CA10: variants seen among roughly 807,000 people sequenced by gnomAD.
CA10 encodes the protein carbonic anhydrase 10 (inactive).
In CA10, 14 loss-of-function variants were observed where a neutral mutation model predicts 44.2. The observed-to-expected ratio is 0.32, with a 90% CI of 0.21 to 0.50. The LOEUF is 0.50. Among genes scored for constraint, CA10 ranks in the 20% least tolerant of loss-of-function variants. CA10 has a pLI of 0.99. For synonymous variants in CA10, 159 were observed against 141.6 expected, an observed-to-expected ratio of 1.12 and a Z score of -0.87; for missense variants, 350 against 409.7, an observed-to-expected ratio of 0.85 and a Z score of 1.26.
At chr17:52,082,561 T>A (rs1988011592) in intron 1 of CA10, among the ~76,000 whole-genome samples, 1 of 152,206 alleles carries the variant, frequency 6.6e-6, no homozygotes, top group Non-Finnish European at 1.5e-5. Context: ...CTTCCCTCAC[T>A]CATCCTCTTT....
intron 6 of CA10, among the ~76,000 whole-genome samples, chr17:51,643,383 G>A (rs1386271555): frequency 1.3e-5 from 2 of 152,072 alleles, no homozygotes; most frequent in Admixed American, 1.3e-4. Flanking sequence ...AAATCCATTC[G>A]GAAAATCTAT....
intron 3 of CA10, among the ~76,000 whole-genome samples, chr17:51,782,712 T>C (rs1168094742): frequency 6.6e-6 from 1 of 152,188 alleles, no homozygotes; most frequent in Non-Finnish European, 1.5e-5. Flanking sequence ...CAATTCTCAA[T>C]GCCTGTCCTC....
intron 4 of CA10, among the ~76,000 whole-genome samples, chr17:51,724,818 T>A (rs1034148079): frequency 1.3e-5 from 2 of 152,182 alleles, no homozygotes; most frequent in African/African-American, 4.8e-5. Context: ...AATTCCCCTC[T>A]TAAATATCTT....
chr17:51,668,316 CAG>C (rs375833805), intron 4 of CA10, among the ~76,000 whole-genome samples: 11 of 151,170 alleles, frequency 7.3e-5, no homozygotes, highest in South Asian at 2.1e-4. Context: ...TTTCTCAGTC[CAG>C]AGAGAGAGAG....
At chr17:52,140,795 G>A (rs569858887) in intron 1 of CA10, among the ~76,000 whole-genome samples, 9 of 152,238 alleles carry the variant, frequency 5.9e-5, no homozygotes, top group African/African-American at 1.4e-4. Context: ...AGCCTAAGCC[G>A]CTGCTTCTTG....
chr17:51,673,616 G>C (rs908719868), intron 4 of CA10, among the ~76,000 whole-genome samples: 4 of 152,182 alleles, frequency 2.6e-5, no homozygotes, highest in Non-Finnish European at 5.9e-5. Context: ...CAGTGCTACT[G>C]CTTCAGATCA....
At chr17:51,926,237 C>T (rs1598121411) in intron 3 of CA10, among the ~76,000 whole-genome samples, 1 of 152,166 alleles carries the variant, frequency 6.6e-6, no homozygotes, top group South Asian at 2.1e-4. Context: ...GTGTCAGGAG[C>T]TGGCTTCCAA....
At chr17:52,149,652 T>C (rs1989662219) in intron 1 of CA10, among the ~76,000 whole-genome samples, 1 of 152,204 alleles carries the variant, frequency 6.6e-6, no homozygotes, top group African/African-American at 2.4e-5. Flanking sequence ...ATAATAGATA[T>C]ACCGTAAAAT....
chr17:51,934,205 C>A (rs1209491649), intron 2 of CA10, among the ~76,000 whole-genome samples: 1 of 152,110 alleles, frequency 6.6e-6, no homozygotes, highest in African/African-American at 2.4e-5. Flanking sequence ...TAGAAGCCAC[C>A]TTAGAGATCG....
intron 2 of CA10, among the ~76,000 whole-genome samples, chr17:52,007,782 A>G (rs1985652001): frequency 6.6e-6 from 1 of 151,380 alleles, no homozygotes; most frequent in East Asian, 2.0e-4. Context: ...TTATTTTTCT[A>G]TTCTCTGAAA....
At chr17:51,912,783 C>G (rs1033599161) in intron 3 of CA10, among the ~76,000 whole-genome samples, 3 of 152,198 alleles carry the variant, frequency 2.0e-5, no homozygotes, top group Non-Finnish European at 4.4e-5. Flanking sequence ...CTATCATATT[C>G]TACCGAACTT....
chr17:51,658,719 A>C (rs1913892022), intron 4 of CA10, among the ~76,000 whole-genome samples: 1 of 152,176 alleles, frequency 6.6e-6, no homozygotes, highest in African/African-American at 2.4e-5. Flanking sequence ...CACAGGTGTT[A>C]AATAAGAAAC....
intron 4 of CA10, among the ~76,000 whole-genome samples, chr17:51,741,781 C>T (rs760302805): frequency 6.6e-6 from 1 of 152,138 alleles, no homozygotes; most frequent in Admixed American, 6.5e-5. Flanking sequence ...ATCCTCAAGT[C>T]CAGACAATGT....
intron 2 of CA10, among the ~76,000 whole-genome samples, chr17:51,935,613 A>G (rs529364049): frequency 6.6e-6 from 1 of 152,310 alleles, no homozygotes; most frequent in East Asian, 1.9e-4. Flanking sequence ...GTATTTCCCA[A>G]TGGCACTACT....
chr17:51,783,557 T>C (rs1906139922), intron 3 of CA10, among the ~76,000 whole-genome samples: 1 of 152,086 alleles, frequency 6.6e-6, no homozygotes, highest in East Asian at 1.9e-4. Context: ...ATCCAGGCTT[T>C]TTCTATTCCC....
At chr17:51,873,943 C>A (rs949357399) in intron 3 of CA10, among the ~76,000 whole-genome samples, 5 of 152,180 alleles carry the variant, frequency 3.3e-5, no homozygotes, top group African/African-American at 1.2e-4. Context: ...GGATAGTGCA[C>A]CAGACCTGCA....
At chr17:51,956,444 T>C (rs1215120107) in intron 2 of CA10, among the ~76,000 whole-genome samples, 1 of 152,238 alleles carries the variant, frequency 6.6e-6, no homozygotes, top group Non-Finnish European at 1.5e-5. Flanking sequence ...ACATTTGTGA[T>C]TTTTGCAGAT....
intron 2 of CA10, among the ~76,000 whole-genome samples, chr17:51,995,904 T>C (rs1423395512): frequency 1.3e-5 from 2 of 152,038 alleles, no homozygotes. Flanking sequence ...AATAAATTCA[T>C]CTAAAGAGAA....
chr17:52,027,036 T>C (rs1986323299), intron 2 of CA10, among the ~76,000 whole-genome samples: 1 of 152,058 alleles, frequency 6.6e-6, no homozygotes, highest in Admixed American at 6.6e-5. Flanking sequence ...CTCACCATAA[T>C]GTAGAATCAA....
Sources: allele counts gnomAD v4.1 joint callset (sites outside exome capture counted in the v4.1 genomes callset), GRCh38; gene constraint gnomAD v4.1.1; transcripts MANE v1.5; gene names NCBI Gene and HGNC (gene_info 2026-07-23, HGNC 2026-07-21).